The following SLIT1 variants were observed in gnomAD, a reference collection of about 807,000 sequenced individuals.
SLIT1 encodes slit homolog 1 protein.
Under a neutral mutation model 186.1 loss-of-function variants are expected in SLIT1, and 66 were observed. The observed-to-expected ratio is 0.35, with a 90% CI of 0.29 to 0.44. The LOEUF (loss-of-function observed/expected upper bound fraction) is 0.44. Ranked by LOEUF, SLIT1 falls within the 20% of genes least tolerant of loss-of-function variation. SLIT1 has a pLI of 1.00. For missense variants in SLIT1, 1,638 were observed against 2,037.4 expected (o/e 0.80, Z 3.77); for synonymous variants, 761 against 833.8 (o/e 0.91, Z 1.50).
chr10:97,064,978 C>G, intron 5 of SLIT1, 102 bp from the exon 6 acceptor site: 1 of 806,802 alleles, frequency 1.2e-6, no homozygotes, highest in Non-Finnish European at 2.0e-6. Context: ...AGAGGTGCAC[C>G]CCTAGCCGTT....
intron 25 of SLIT1, among the ~76,000 whole-genome samples, chr10:97,023,109 T>C (rs1159899835): frequency 6.6e-6 from 1 of 151,996 alleles, no homozygotes; most frequent in Non-Finnish European, 1.5e-5. Context: ...TGCAGTGCAG[T>C]GGTACGATCT....
chr10:97,175,046 T>C (rs946498907), intron 1 of SLIT1, among the ~76,000 whole-genome samples: 1 of 152,130 alleles, frequency 6.6e-6, no homozygotes, highest in African/African-American at 2.4e-5. Context: ...TGCTACAGAG[T>C]TCCCCCATTC....
chr10:97,173,262 G>A (rs947573545), intron 1 of SLIT1, among the ~76,000 whole-genome samples: 7 of 152,174 alleles, frequency 4.6e-5, no homozygotes, highest in African/African-American at 1.7e-4. Context: ...GTGGAACGGG[G>A]CAGGTCCCTT....
chr10:97,028,234 T>C (rs772632825), intron 25 of SLIT1, among the ~76,000 whole-genome samples: 1 of 152,204 alleles, frequency 6.6e-6, no homozygotes, highest in Non-Finnish European at 1.5e-5. Flanking sequence ...CAACCTGGCC[T>C]ATGTCCAGAG....
intron 25 of SLIT1, among the ~76,000 whole-genome samples, chr10:97,027,843 T>G (rs969930773): frequency 6.6e-6 from 1 of 152,112 alleles, no homozygotes; most frequent in African/African-American, 2.4e-5. Context: ...TTGGTTCTCA[T>G]GAGGAAGGAG....
At chr10:97,110,410 A>G (rs1440573876) in intron 4 of SLIT1, among the ~76,000 whole-genome samples, 1 of 152,242 alleles carries the variant, frequency 6.6e-6, no homozygotes, top group Non-Finnish European at 1.5e-5. Context: ...GAAAAACCTG[A>G]AAACAATCCA....
intron 22 of SLIT1, among the ~76,000 whole-genome samples, chr10:97,036,615 G>A (rs1487489547): frequency 6.6e-6 from 1 of 152,238 alleles, no homozygotes; most frequent in African/African-American, 2.4e-5. Context: ...AGATTCTGGT[G>A]TAAGCGCCAT....
rs1189973573 is a variant in SLIT1 at position 97,002,145 on chromosome 10, G to C, written c.4366+13C>G. ...GACCCTGGGGAGGGCACGTCAGGAGGGGGGCCCCTGACCTTGCTCACACAG... is the reference window on the plus strand; with the variant it reads ...GACCCTGGGGAGGGCACGTCAGGAGCGGGGCCCCTGACCTTGCTCACACAG... On this transcript the variant is annotated intron_variant, in intron 36 of 36. Coordinates refer to ENST00000266058, the MANE Select transcript of SLIT1 (RefSeq NM_003061.3). 1 of 1,425,208 alleles carries C rather than the reference G, an allele frequency of 7.0e-7. No homozygotes were observed. The highest frequency in any genetic ancestry group is 2.8e-5 in the Admixed American group (1 of 35,394). The allele number at this position is 1,425,208 out of a possible 1,614,324, so 88.3% of individuals were successfully genotyped here.
chr10:97,002,477 G>A, intron 35 of SLIT1, 108 bp from the exon 36 acceptor site: 1 of 795,168 alleles, frequency 1.3e-6, no homozygotes, highest in Non-Finnish European at 1.9e-6. Flanking sequence ...TGACTTCACA[G>A]GTCTTTAATC....
At chr10:97,092,331 T>G (rs767923216) in intron 4 of SLIT1, among the ~76,000 whole-genome samples, 11 of 152,320 alleles carry the variant, frequency 7.2e-5, no homozygotes, top group Non-Finnish European at 1.5e-4. Flanking sequence ...GCAAATGAAT[T>G]AACTGGGAAG....
chr10:97,081,088 C>A (rs1849100273), intron 4 of SLIT1, among the ~76,000 whole-genome samples: 1 of 152,206 alleles, frequency 6.6e-6, no homozygotes, highest in South Asian at 2.1e-4. Flanking sequence ...GAAAGCTCAT[C>A]CAGACTCTGA....
chr10:97,158,448 G>C (rs997892051), intron 3 of SLIT1, among the ~76,000 whole-genome samples: 4 of 152,062 alleles, frequency 2.6e-5, no homozygotes, highest in African/African-American at 9.7e-5. Context: ...GATCACCTGA[G>C]GTCAGGAGTT....
intron 4 of SLIT1, among the ~76,000 whole-genome samples, chr10:97,128,080 G>A (rs1055522339): frequency 1.9e-4 from 29 of 151,828 alleles, no homozygotes; most frequent in African/African-American, 6.0e-4. Context: ...CCCTGCTCTC[G>A]GGCCTTGCAT....
intron 4 of SLIT1, among the ~76,000 whole-genome samples, chr10:97,135,160 C>A (rs948172985): frequency 8.5e-5 from 13 of 152,216 alleles, no homozygotes; most frequent in African/African-American, 3.1e-4. Context: ...GTCGAAGGCA[C>A]GGGCTTCACG....
At position 97,155,247 on chromosome 10, in the gene SLIT1, G is replaced by T. The variant is rs116521424; in HGVS notation, c.413+2571C>A. The T allele has an allele frequency of 4.9e-3, 750 of 152,498 alleles. 7 individuals carry two copies. The highest frequency in any genetic ancestry group is 0.018 in the African/African-American group (734 of 41,562). 9.4% of individuals were successfully genotyped at this position (152,498 alleles called of 1,614,324 possible). A position where few individuals can be genotyped will look rare whatever the true frequency, so the allele number is the denominator to read the frequency against. ...ACCACCCAAAGTTATGCCTTGAAAAGCCCAGGACCACCTGACCCTTGACTT... is the reference window on the plus strand; with the variant it reads ...ACCACCCAAAGTTATGCCTTGAAAATCCCAGGACCACCTGACCCTTGACTT... On this transcript the variant is annotated intron_variant, in intron 4 of 36. Coordinates refer to ENST00000266058, the MANE Select transcript of SLIT1 (RefSeq NM_003061.3).
chr10:97,003,316 T>G (rs1848329303), intron 34 of SLIT1, among the ~76,000 whole-genome samples: 1 of 152,176 alleles, frequency 6.6e-6, no homozygotes, highest in African/African-American at 2.4e-5. Flanking sequence ...GACGCTAGCT[T>G]TTACCTCCCA....
chr10:97,162,829 CT>C (rs1330715651), intron 3 of SLIT1, among the ~76,000 whole-genome samples: 39 of 150,700 alleles, frequency 2.6e-4, no homozygotes, highest in African/African-American at 8.0e-4. Context: ...CACTATGTTT[CT>C]TTTTTTTTCA....
At chr10:97,059,896 G>A (rs755037212) in intron 10 of SLIT1, among the ~76,000 whole-genome samples, 191 bp downstream of exon 10, 66 of 152,308 alleles carry the variant, frequency 4.3e-4, no homozygotes, top group Middle Eastern at 6.8e-3. Context: ...CTCCCTTCAG[G>A]CCTCACGATA....
intron 4 of SLIT1, among the ~76,000 whole-genome samples, chr10:97,137,503 A>C (rs894584817): frequency 2.6e-5 from 4 of 152,218 alleles, no homozygotes; most frequent in Non-Finnish European, 5.9e-5. Flanking sequence ...TGACTTAACT[A>C]TCAAGAAAAA....
Sources: allele counts gnomAD v4.1 joint callset (sites outside exome capture counted in the v4.1 genomes callset), GRCh38; gene constraint gnomAD v4.1.1; transcripts MANE v1.5; gene names NCBI Gene and HGNC (gene_info 2026-07-23, HGNC 2026-07-21).